Variants in NRIP1 observed in about 807,000 individuals in gnomAD.
NRIP1 encodes nuclear receptor-interacting protein 1.
In NRIP1, 28 loss-of-function variants were observed where a neutral mutation model predicts 75.0. The ratio of observed to expected loss-of-function variants is 0.37; its 90% CI spans 0.28 to 0.51. NRIP1 has a LOEUF of 0.51. Ranked by LOEUF, NRIP1 falls within the 20% of genes least tolerant of loss-of-function variation. The pLI is 0.92. For synonymous variants in NRIP1, 526 were observed against 487.6 expected (o/e 1.08, Z -1.04); for missense variants, 1,435 against 1,343.7 (o/e 1.07, Z -1.06).
At chr21:15,053,190 AAT>A (rs1336668292) in intron 1 of NRIP1, among the ~76,000 whole-genome samples, 1 of 152,216 alleles carries the variant, frequency 6.6e-6, no homozygotes, top group African/African-American at 2.4e-5. Context: ...GAATAATCTC[AAT>A]GAGATAATTT....
intron 1 of NRIP1, among the ~76,000 whole-genome samples, chr21:15,045,838 T>C (rs953152044): frequency 3.3e-5 from 5 of 152,250 alleles, no homozygotes; most frequent in African/African-American, 9.6e-5. Context: ...GTATCTTCAA[T>C]CAGGAGTAGA....
chr21:14,998,508 A>T (rs1047592413), intron 3 of NRIP1, among the ~76,000 whole-genome samples: 3 of 152,342 alleles, frequency 2.0e-5, no homozygotes, highest in Admixed American at 6.5e-5. Flanking sequence ...ACTGCCACAG[A>T]TACCAAATGT....
At chr21:15,012,590 C>A (rs2088132830) in intron 3 of NRIP1, among the ~76,000 whole-genome samples, 1 of 151,192 alleles carries the variant, frequency 6.6e-6, no homozygotes, top group South Asian at 2.1e-4. Flanking sequence ...ATAACTGGGA[C>A]TACAGGCACG....
Position 14,968,252 on chromosome 21 carries a change from T to C in NRIP1, c.-60A>G. On this transcript the variant is annotated 5_prime_UTR_variant, in exon 4 of 4. Transcript: ENST00000318948. ...ATTCACTTTAAAGAATGGTTTTCTG[T>C]GGTGAGTGCGATGTAACTTTAATAA... 1 of 1,177,576 alleles carries C rather than the reference T, an allele frequency of 8.5e-7. No individual in the cohort carries two copies. 72.9% of individuals were successfully genotyped at this position (1,177,576 alleles called of 1,614,324 possible).
intron 1 of NRIP1, among the ~76,000 whole-genome samples, chr21:15,055,219 C>A (rs867399648): frequency 1.3e-5 from 2 of 152,130 alleles, no homozygotes; most frequent in Non-Finnish European, 2.9e-5. Flanking sequence ...AACCAACAGA[C>A]CCAACCACCT....
chr21:15,000,462 A>G (rs1445206960), intron 3 of NRIP1, among the ~76,000 whole-genome samples: 1 of 152,180 alleles, frequency 6.6e-6, no homozygotes, highest in African/African-American at 2.4e-5. Context: ...CACTCCATCA[A>G]AAAATAAATA....
intron 3 of NRIP1, 24 bp downstream of exon 3, chr21:15,014,320 A>G (rs2088175919): frequency 1.0e-5 from 4 of 396,736 alleles, no homozygotes; most frequent in African/African-American, 8.2e-5. Flanking sequence ...AAGCCTTAAG[A>G]ACTCAGGAAA....
At chr21:15,019,870 T>C (rs1043126018) in intron 2 of NRIP1, among the ~76,000 whole-genome samples, 3 of 152,090 alleles carry the variant, frequency 2.0e-5, no homozygotes, top group East Asian at 1.9e-4. Context: ...GTTGCCAGTA[T>C]ATAAGAAACG....
rs2086693501 is a variant in NRIP1, at chr21:14,965,132, C to A, written c.3061G>T (p.Ala1021Ser). The change falls in exon 4 of 4, where the codon GCA becomes TCA. Residue 1021 changes from alanine (A) to serine (S), a missense_variant. Physicochemically the swap from Ala to Ser is moderately conservative, Grantham distance 99. Transcript: ENST00000318948. ...AGCCCAGATTCTGGTCTAGACCCTG[C>A]ACAGCCCAAGTGCTCAGGGAAAGTA... is the stretch of plus-strand genomic sequence containing the variant. ...SPTFPEHLGCAGSRPESGLLN... is the reference protein window; with the variant it reads ...SPTFPEHLGCSGSRPESGLLN... 3 of 1,613,016 alleles carry A rather than the reference C, an allele frequency of 1.9e-6. No individual in the cohort carries two copies.
chr21:15,051,157 A>G (rs1223392806), intron 1 of NRIP1: 2 of 327,526 alleles, frequency 6.1e-6, no homozygotes, highest in South Asian at 2.5e-5. Context: ...TGTGGCCCTG[A>G]ATGGCATGCT....
At chr21:15,034,043 A>C (rs2088775279) in intron 2 of NRIP1, among the ~76,000 whole-genome samples, 1 of 152,226 alleles carries the variant, frequency 6.6e-6, no homozygotes, top group Admixed American at 6.5e-5. Flanking sequence ...AGGGTCATCT[A>C]GATTCTGGCA....
At chr21:15,007,178 A>G (rs760976562) in intron 3 of NRIP1, among the ~76,000 whole-genome samples, 17 of 152,218 alleles carry the variant, frequency 1.1e-4, no homozygotes, top group Non-Finnish European at 2.2e-4. Flanking sequence ...CTTACAAGCA[A>G]TGGTATTATT....
intron 3 of NRIP1, chr21:14,987,837 C>T (rs1445584697): frequency 2.0e-5 from 3 of 152,202 alleles, no homozygotes; most frequent in Non-Finnish European, 4.4e-5. Context: ...GTTACCAGGG[C>T]ACTAAAGCTC....
intron 3 of NRIP1, among the ~76,000 whole-genome samples, chr21:15,006,079 G>T (rs1203983710): frequency 1.3e-5 from 2 of 151,992 alleles, no homozygotes; most frequent in African/African-American, 4.8e-5. Flanking sequence ...CACGCATACT[G>T]CATATAGCTT....
chr21:15,034,858 T>A (rs2088796223), intron 2 of NRIP1, among the ~76,000 whole-genome samples: 1 of 152,184 alleles, frequency 6.6e-6, no homozygotes, highest in African/African-American at 2.4e-5. Flanking sequence ...ACATGGTGAT[T>A]AAGTAAAACA....
chr21:15,011,624 C>T (rs887298696), intron 3 of NRIP1, among the ~76,000 whole-genome samples: 16 of 152,174 alleles, frequency 1.1e-4, no homozygotes, highest in African/African-American at 3.6e-4. Flanking sequence ...GAGAACTCGT[C>T]CTAGTGGAAA....
At chr21:15,050,827 C>CGAT in intron 1 of NRIP1, 1 of 456,052 alleles carries the variant, frequency 2.2e-6, no homozygotes, top group Non-Finnish European at 4.4e-6. Flanking sequence ...CAATCCACAG[C>CGAT]GATACCTCCT....
intron 3 of NRIP1, among the ~76,000 whole-genome samples, chr21:14,986,040 C>T (rs529478046): frequency 8.1e-4 from 124 of 152,188 alleles, no homozygotes; most frequent in South Asian, 5.2e-3. Flanking sequence ...CACAATTAAA[C>T]TATTTCTCTG....
chr21:15,036,720 C>T (rs2088841871), intron 2 of NRIP1, among the ~76,000 whole-genome samples: 1 of 151,946 alleles, frequency 6.6e-6, no homozygotes, highest in Non-Finnish European at 1.5e-5. Flanking sequence ...CATTTAGAAT[C>T]TCCACTAGCC....
Sources: allele counts gnomAD v4.1 joint callset (sites outside exome capture counted in the v4.1 genomes callset), GRCh38; gene constraint gnomAD v4.1.1; transcripts MANE v1.5; gene names NCBI Gene and HGNC (gene_info 2026-07-23, HGNC 2026-07-21).